Variants in SLC39A11 observed in about 807,000 individuals in gnomAD.
The protein encoded by SLC39A11 is zinc transporter ZIP11.
In SLC39A11, 33 loss-of-function variants were observed where a neutral mutation model predicts 36.1. That is an observed-to-expected ratio of 0.91 (90% confidence interval 0.69 to 1.22). The LOEUF is 1.22. Ranked by LOEUF, SLC39A11 falls within the 50% of genes most tolerant of loss-of-function variation. SLC39A11 has a pLI of 0.00. For missense variants in SLC39A11, 432 were observed against 430.3 expected, an observed-to-expected ratio of 1.00 and a Z score of -0.03; for synonymous variants, 166 against 170.3, an observed-to-expected ratio of 0.97 and a Z score of 0.20.
At chr17:72,688,969 C>T (rs2071885584) in intron 7 of SLC39A11, among the ~76,000 whole-genome samples, 2 of 152,194 alleles carry the variant, frequency 1.3e-5, no homozygotes, top group South Asian at 4.1e-4. Context: ...GGTACCTCTA[C>T]TCCCCAAGAC....
intron 4 of SLC39A11, among the ~76,000 whole-genome samples, chr17:72,982,435 T>G (rs181043201): frequency 2.0e-5 from 3 of 152,112 alleles, no homozygotes; most frequent in Admixed American, 6.5e-5. Flanking sequence ...GGGAAGAATC[T>G]CCCCCCAAAA....
At chr17:72,649,034 C>A in intron 8 of SLC39A11, 73 bp from the exon 9 acceptor site, 1 of 1,567,492 alleles carries the variant, frequency 6.4e-7, no homozygotes, top group Non-Finnish European at 8.7e-7. Context: ...AGACTGTTGG[C>A]TCAACCCTAG....
intron 5 of SLC39A11, among the ~76,000 whole-genome samples, chr17:72,872,198 T>C (rs376543261): frequency 9.2e-5 from 14 of 151,492 alleles, no homozygotes; most frequent in South Asian, 4.2e-4. Flanking sequence ...GTGGAGGGAG[T>C]TGGAAGCCAA....
At chr17:72,854,320 G>A (rs1363752069) in intron 5 of SLC39A11, among the ~76,000 whole-genome samples, 1 of 151,804 alleles carries the variant, frequency 6.6e-6, no homozygotes, top group African/African-American at 2.4e-5. Flanking sequence ...GTGGGGGGTG[G>A]GGTGGGGGTG....
In SLC39A11 at chr17:72,806,496, C is replaced by T. The variant is rs376116076; in HGVS notation, c.601+43138G>A. On this transcript the variant is annotated intron_variant, in intron 6 of 9. Coordinates refer to ENST00000255559, the MANE Select transcript of SLC39A11 (RefSeq NM_139177.4). ...TGCTGATGTATCTTGGCAACGGTCC[C>T]TTTTTTATATAGTGGGCTGGCACTT... Among the ~76,000 whole-genome samples, 232 of 152,236 alleles carry T rather than the reference C, an allele frequency of 1.5e-3. 1 individual carries two copies. The highest frequency in any genetic ancestry group is 5.2e-3 in the African/African-American group (215 of 41,540).
intron 3 of SLC39A11, among the ~76,000 whole-genome samples, chr17:73,075,902 C>G (rs900524275): frequency 6.6e-6 from 1 of 152,160 alleles, no homozygotes; most frequent in African/African-American, 2.4e-5. Context: ...TATTTAAACT[C>G]ACTGTCCCTG....
chr17:72,784,912 T>C (rs1294140335), intron 6 of SLC39A11, among the ~76,000 whole-genome samples: 1 of 150,182 alleles, frequency 6.7e-6, no homozygotes, highest in Non-Finnish European at 1.5e-5. Context: ...CAGGCTGGAG[T>C]GCAGTGGTGC....
intron 4 of SLC39A11, among the ~76,000 whole-genome samples, chr17:73,015,780 C>G (rs114929498): frequency 0.057 from 8,623 of 152,022 alleles, 540 homozygotes; most frequent in African/African-American, 0.15. Flanking sequence ...ATGAGGTTTC[C>G]CCATATTGGC....
At chr17:72,990,790 C>T (rs9914780) in intron 4 of SLC39A11, among the ~76,000 whole-genome samples, 2,015 of 152,204 alleles carry the variant, frequency 0.013, 46 homozygotes, top group African/African-American at 0.046. Flanking sequence ...TAAAATCTTA[C>T]AGTGTATATA....
At chr17:72,925,548 G>A (rs187106052) in intron 5 of SLC39A11, among the ~76,000 whole-genome samples, 7 of 152,198 alleles carry the variant, frequency 4.6e-5, no homozygotes, top group African/African-American at 1.4e-4. Context: ...TCCTCACCAC[G>A]GATGCAGAAG....
At chr17:72,825,326 TG>T (rs2145619647) in intron 6 of SLC39A11, among the ~76,000 whole-genome samples, 1 of 152,290 alleles carries the variant, frequency 6.6e-6, no homozygotes, top group South Asian at 2.1e-4. Flanking sequence ...GGTAAGCTTT[TG>T]GGTGTTCAGA....
At chr17:72,905,407 C>G (rs1000959990) in intron 5 of SLC39A11, among the ~76,000 whole-genome samples, 7 of 151,444 alleles carry the variant, frequency 4.6e-5, no homozygotes, top group Non-Finnish European at 1.5e-5. Context: ...ACCCGCCTGG[C>G]CAACATGGTA....
intron 6 of SLC39A11, among the ~76,000 whole-genome samples, chr17:72,747,343 G>A (rs2074980318): frequency 6.6e-6 from 1 of 151,994 alleles, no homozygotes; most frequent in Non-Finnish European, 1.5e-5. Flanking sequence ...TAGAGGCGGG[G>A]TTTTTGCCAT....
chr17:72,961,603 C>G (rs1209555528), intron 4 of SLC39A11, among the ~76,000 whole-genome samples: 14 of 152,086 alleles, frequency 9.2e-5, no homozygotes, highest in African/African-American at 3.4e-4. Flanking sequence ...ATGGATGAAG[C>G]TGGAAACCAT....
At chr17:73,053,844 C>T (rs921348174) in intron 3 of SLC39A11, among the ~76,000 whole-genome samples, 1 of 152,144 alleles carries the variant, frequency 6.6e-6, no homozygotes, top group African/African-American at 2.4e-5. Context: ...ATAATTAAAA[C>T]GTGGGGAAAT....
intron 5 of SLC39A11, among the ~76,000 whole-genome samples, chr17:72,928,967 T>G (rs536369937): frequency 6.6e-6 from 1 of 152,186 alleles, no homozygotes; most frequent in Admixed American, 6.5e-5. Flanking sequence ...TGAACCCGCA[T>G]TGGTGTGCTT....
chr17:73,069,741 AG>A (rs1411542250), intron 3 of SLC39A11, among the ~76,000 whole-genome samples: 1 of 152,236 alleles, frequency 6.6e-6, no homozygotes, highest in Non-Finnish European at 1.5e-5. Context: ...CTTTGCACTC[AG>A]GGTATCTTTC....
rs372326902 is a variant in SLC39A11, at chr17:72,655,584, C to G, written c.672-6316G>C. 1.6e-4 allele frequency among the ~76,000 whole-genome samples: 25 copies of G among 152,300 alleles called. No individual in the cohort carries two copies. The South Asian group carries it at 4.8e-3, about 29-fold the overall frequency. Reference sequence around the variant, plus strand: ...GGTGAGGATGAGGATGGAGGCCAAGCCCGCCTCCCTCCCAGGAGCCCCTTC... The same window carrying G: ...GGTGAGGATGAGGATGGAGGCCAAGGCCGCCTCCCTCCCAGGAGCCCCTTC... On this transcript the variant is annotated intron_variant, in intron 7 of 9. Coordinates refer to ENST00000255559, the MANE Select transcript of SLC39A11 (RefSeq NM_139177.4).
At position 72,718,657 on chromosome 17, in the gene SLC39A11, C is replaced by T. The variant is rs377724586; in HGVS notation, c.671+17993G>A. Among the ~76,000 whole-genome samples the T allele has an allele frequency of 1.1e-4, 17 of 152,268 alleles. 1 individual carries two copies. The highest frequency in any genetic ancestry group is 4.1e-4 in the African/African-American group (17 of 41,546). ...TGGAGCTGGTCACCTGGGTTCAAAT[C>T]CTAGAGGAGTCAAATTCATAGGGAC... On this transcript the variant is annotated intron_variant, in intron 7 of 9. Transcript: ENST00000255559.
Sources: allele counts gnomAD v4.1 joint callset (sites outside exome capture counted in the v4.1 genomes callset), GRCh38; gene constraint gnomAD v4.1.1; transcripts MANE v1.5; gene names NCBI Gene and HGNC (gene_info 2026-07-23, HGNC 2026-07-21).